Variants in KALRN observed in about 807,000 individuals in gnomAD.
The protein encoded by KALRN is kalirin RhoGEF kinase.
A neutral mutation model predicts 353.7 loss-of-function variants in KALRN; 70 were observed. The observed-to-expected ratio is 0.20, with a 90% CI of 0.16 to 0.24. The LOEUF (loss-of-function observed/expected upper bound fraction) is 0.24. KALRN is among the 10% of genes least tolerant of loss of function. The probability of loss-of-function intolerance (pLI) is 1.00; values close to 1 mark genes in which losing one functional copy is unlikely to be tolerated. For synonymous variants in KALRN, 1,391 were observed against 1,434.8 expected (o/e 0.97, Z 0.69); for missense variants, 2,791 against 3,756.7 (o/e 0.74, Z 6.72).
intron 1 of KALRN, among the ~76,000 whole-genome samples, chr3:124,218,058 A>G (rs2077517078): frequency 6.6e-6 from 1 of 152,142 alleles, no homozygotes. Context: ...GCTGCCTGTG[A>G]GGGTCCTCTG....
chr3:124,188,271 A>C (rs2074469275), intron 1 of KALRN, among the ~76,000 whole-genome samples: 1 of 152,198 alleles, frequency 6.6e-6, no homozygotes, highest in East Asian at 1.9e-4. Flanking sequence ...TGCATGTTTT[A>C]AAAGGTCCTC....
chr3:124,348,453 C>T (rs2082497893), intron 10 of KALRN, among the ~76,000 whole-genome samples: 1 of 152,164 alleles, frequency 6.6e-6, no homozygotes, highest in South Asian at 2.1e-4. Context: ...GAGCTGCAAG[C>T]ATATGCTGAA....
chr3:124,656,628 G>C lies in KALRN; in HGVS notation c.5863-820G>C, dbSNP rs556504817. On this transcript the variant is annotated intron_variant, in intron 39 of 59. Coordinates refer to ENST00000682506, the MANE Select transcript of KALRN (RefSeq NM_001388419.1). ...TCCATCTCAAAAAATAAAAATAAAA[G>C]TAAAAATAAAACAAAAAAATAAAAA... 1.1e-4 allele frequency among the ~76,000 whole-genome samples: 15 copies of C among 142,816 alleles called. No individual in the cohort carries two copies. The South Asian group carries it at 2.7e-3, about 25-fold the overall frequency. 93.7% of individuals were successfully genotyped at this position (142,816 alleles called of 152,430 possible). A position where few individuals can be genotyped will look rare whatever the true frequency, so the allele number is the denominator to read the frequency against.
intron 3 of KALRN, among the ~76,000 whole-genome samples, chr3:124,258,517 C>T (rs2072367535): frequency 6.6e-6 from 1 of 152,178 alleles, no homozygotes; most frequent in African/African-American, 2.4e-5. Context: ...ACCTCTTAAA[C>T]ACTGATATTC....
At chr3:124,403,113 G>T (rs1164665336) in intron 13 of KALRN, among the ~76,000 whole-genome samples, 2 of 152,192 alleles carry the variant, frequency 1.3e-5, no homozygotes, top group African/African-American at 4.8e-5. Context: ...CCACTGAGTT[G>T]TGACACTCCT....
chr3:124,407,172 C>A (rs75967482), intron 13 of KALRN, among the ~76,000 whole-genome samples: 2 of 151,898 alleles, frequency 1.3e-5, no homozygotes, highest in Non-Finnish European at 2.9e-5. Context: ...GAAATGGAAA[C>A]GAAATAATAT....
chr3:124,125,762 T>G (rs1175876432), intron 1 of KALRN, among the ~76,000 whole-genome samples: 1 of 152,212 alleles, frequency 6.6e-6, no homozygotes, highest in Non-Finnish European at 1.5e-5. Flanking sequence ...TGCCTTTGAT[T>G]CCCCTGTGAG....
At chr3:124,318,234 T>C (rs988580080) in intron 6 of KALRN, among the ~76,000 whole-genome samples, 3 of 152,180 alleles carry the variant, frequency 2.0e-5, no homozygotes, top group African/African-American at 7.2e-5. Flanking sequence ...CATCCGGCAG[T>C]GACAGATGGC....
At chr3:124,257,326 G>A (rs2072161424) in intron 3 of KALRN, among the ~76,000 whole-genome samples, 1 of 152,200 alleles carries the variant, frequency 6.6e-6, no homozygotes, top group Admixed American at 6.5e-5. Flanking sequence ...CTTTATCCCA[G>A]ACCAACATTC....
chr3:124,229,893 A>G (rs1323817386), intron 2 of KALRN, among the ~76,000 whole-genome samples: 4 of 152,268 alleles, frequency 2.6e-5, no homozygotes, highest in African/African-American at 9.6e-5. Flanking sequence ...TATATCTTAT[A>G]AGGTAATGAG....
At chr3:124,409,837 A>G (rs556083974) in intron 13 of KALRN, among the ~76,000 whole-genome samples, 23 of 152,292 alleles carry the variant, frequency 1.5e-4, no homozygotes, top group South Asian at 2.1e-4. Flanking sequence ...TTTAAATTCC[A>G]GTATACATTA....
At position 124,461,351 on chromosome 3, in the gene KALRN, CT is replaced by C. The variant is rs2059841511; in HGVS notation, c.3855-536del. ...GCCCACAGAGATTTATTATCTGGCT[CT>C]TTATAGAAAAATTGCTAACCCCTGA... is the stretch of plus-strand genomic sequence containing the variant. On this transcript the variant is annotated intron_variant, in intron 23 of 59. Transcript: ENST00000682506. 2.0e-5 allele frequency among the ~76,000 whole-genome samples: 3 copies of C among 151,766 alleles called. No homozygotes were observed. In the South Asian group the frequency reaches 6.3e-4, roughly 32 times the overall value.
chr3:124,648,742 T>A (rs921586346), intron 37 of KALRN, among the ~76,000 whole-genome samples: 1 of 152,118 alleles, frequency 6.6e-6, no homozygotes, highest in South Asian at 2.1e-4. Context: ...AGGCATGTAA[T>A]CAGATCAATC....
intron 5 of KALRN, among the ~76,000 whole-genome samples, chr3:124,298,470 C>G (rs1025114725): frequency 1.3e-5 from 2 of 152,228 alleles, no homozygotes; most frequent in African/African-American, 4.8e-5. Context: ...GTCTCCTCAG[C>G]ACCTGTCCCT....
At chr3:124,331,290 A>T (rs929480019) in intron 8 of KALRN, among the ~76,000 whole-genome samples, 4 of 152,220 alleles carry the variant, frequency 2.6e-5, no homozygotes, top group African/African-American at 9.6e-5. Flanking sequence ...AAGGAACAAA[A>T]TAATGGCATT....
intron 1 of KALRN, among the ~76,000 whole-genome samples, chr3:124,115,500 G>A (rs1320182): frequency 0.55 from 83,870 of 151,952 alleles, 25,693 homozygotes; most frequent in Non-Finnish European, 0.69. Flanking sequence ...CAGATTAGCA[G>A]CTAGCTCTAT....
chr3:124,334,500 C>T lies in KALRN; in HGVS notation c.1647+5C>T, dbSNP rs2080917583. The T allele has an allele frequency of 6.2e-7, 1 of 1,605,236 alleles. No homozygotes were observed. Among genetic ancestry groups the T allele is most frequent in the South Asian group, 1.1e-5 (1 of 90,572 alleles). On this transcript the variant is annotated splice_donor_5th_base_variant and intron_variant, in intron 9 of 59. Coordinates refer to ENST00000682506, the MANE Select transcript of KALRN (RefSeq NM_001388419.1). This position sits in a 1 kb window ranked among gnomAD's most constrained non-coding sequence, Gnocchi z 4.2. ...TTCCAGCAGGATGTACAGCAGGTAA[C>T]AGGCTCTGAGCCCCGGTGTCCATTA...
At chr3:124,620,097 T>C (rs2079103906) in intron 34 of KALRN, among the ~76,000 whole-genome samples, 1 of 152,110 alleles carries the variant, frequency 6.6e-6, no homozygotes, top group African/African-American at 2.4e-5. Flanking sequence ...TTTGTTTTGT[T>C]TTGGTTTTGG....
intron 4 of KALRN, among the ~76,000 whole-genome samples, chr3:124,267,334 C>A (rs928755716): frequency 3.9e-5 from 6 of 152,188 alleles, no homozygotes; most frequent in Non-Finnish European, 8.8e-5. Context: ...TTTGAAAATG[C>A]AGATTCTGCC....
Sources: gnomAD v4.1 joint callset for allele counts (sites outside exome capture counted in the v4.1 genomes callset) on GRCh38, gnomAD v4.1.1 for gene constraint, Gnocchi (gnomAD v3.1) non-coding constraint, MANE v1.5 for transcripts, NCBI Gene and HGNC (gene_info 2026-07-23, HGNC 2026-07-21) for gene names.